The following NBEA variants were observed in gnomAD, a reference collection of about 807,000 sequenced individuals.
NBEA encodes the protein neurobeachin, also known as lysosomal-trafficking regulator 2.
Under a neutral mutation model 343.4 loss-of-function variants are expected in NBEA, and 44 were observed. The ratio of observed to expected loss-of-function variants is 0.13; its 90% confidence interval spans 0.10 to 0.16. The LOEUF (loss-of-function observed/expected upper bound fraction) is 0.16. Ranked by LOEUF, NBEA falls within the 10% of genes least tolerant of loss-of-function variation. NBEA has a pLI of 1.00. For missense variants in NBEA, 2,555 were observed against 3,631.3 expected, an observed-to-expected ratio of 0.70 and a Z score of 7.62; for synonymous variants, 1,175 against 1,238.7, an observed-to-expected ratio of 0.95 and a Z score of 1.08.
intron 1 of NBEA, among the ~76,000 whole-genome samples, chr13:35,012,977 G>A (rs1014475840): frequency 2.0e-5 from 3 of 152,140 alleles, no homozygotes; most frequent in Non-Finnish European, 4.4e-5. Context: ...TTTAGGGATA[G>A]GTTATTTTTG....
chr13:35,408,690 A>G (rs1394913505), intron 38 of NBEA, among the ~76,000 whole-genome samples: 1 of 152,150 alleles, frequency 6.6e-6, no homozygotes, highest in Admixed American at 6.6e-5. Flanking sequence ...AAAATGGGAA[A>G]GAACATGAAC....
At chr13:35,470,459 C>T (rs1049183382) in intron 40 of NBEA, among the ~76,000 whole-genome samples, 1 of 151,738 alleles carries the variant, frequency 6.6e-6, no homozygotes, top group Non-Finnish European at 1.5e-5. Context: ...GTGTTTTTGA[C>T]CATTATTTGT....
Position 35,058,965 on chromosome 13 carries a change from A to C in NBEA, c.1239+102A>C, listed in dbSNP as rs911656667. 4.0e-6 allele frequency: 4 copies of C among 1,008,392 alleles called. No homozygotes were observed. The African/African-American group carries it at 6.8e-5, about 17-fold the overall frequency. The allele number at this position is 1,008,392 out of a possible 1,614,324, so 62.5% of individuals were successfully genotyped here. ...AAATCTTTAATACGGTTTAAGAGTC[A>C]TTTCTATTTTTTGGAATGTAGTCAA... On this transcript the variant is annotated intron_variant, in intron 8 of 58. Coordinates refer to ENST00000379939, the MANE Select transcript of NBEA (RefSeq NM_001385012.1).
At chr13:35,269,459 G>A (rs776070136) in intron 34 of NBEA, among the ~76,000 whole-genome samples, 6 of 152,232 alleles carry the variant, frequency 3.9e-5, no homozygotes, top group Non-Finnish European at 8.8e-5. Flanking sequence ...CAGTAAATAT[G>A]GGGGATGCAT....
intron 38 of NBEA, among the ~76,000 whole-genome samples, chr13:35,375,840 A>G (rs2041710844): frequency 6.6e-6 from 1 of 152,158 alleles, no homozygotes; most frequent in Admixed American, 6.6e-5. Flanking sequence ...TTTCTCAGTT[A>G]CTTTCTAAAA....
chr13:35,214,908 T>C (rs1397905894), intron 33 of NBEA, among the ~76,000 whole-genome samples: 1 of 151,766 alleles, frequency 6.6e-6, no homozygotes, highest in Non-Finnish European at 1.5e-5. Flanking sequence ...GCTCTGTCTT[T>C]ATGTATATTA....
In NBEA at chr13:35,317,326, A is replaced by T. The variant is rs2037810252; in HGVS notation, c.5903+7734A>T. Reference sequence around the variant, plus strand: ...CAGTTATAGTTTTCTGCCTCTGGCTAGCCAGTTTTCCCAGCACCATTTATT... The same window carrying T: ...CAGTTATAGTTTTCTGCCTCTGGCTTGCCAGTTTTCCCAGCACCATTTATT... On this transcript the variant is annotated intron_variant, in intron 36 of 58. Transcript: ENST00000379939. 1.3e-5 allele frequency among the ~76,000 whole-genome samples: 2 copies of T among 152,182 alleles called. 1 individual carries two copies. Among genetic ancestry groups the T allele is most frequent in the South Asian group, 4.1e-4 (2 of 4,820 alleles).
chr13:35,654,063 A>G (rs1273439137), intron 53 of NBEA, among the ~76,000 whole-genome samples: 1 of 152,204 alleles, frequency 6.6e-6, no homozygotes, highest in Non-Finnish European at 1.5e-5. Context: ...GACCTTCTAC[A>G]TCTGCATTTC....
intron 39 of NBEA, among the ~76,000 whole-genome samples, chr13:35,441,828 T>A (rs1291029288): frequency 1.5e-5 from 2 of 132,236 alleles, no homozygotes; most frequent in East Asian, 4.5e-4. Flanking sequence ...GAATGCTAGA[T>A]GTGAAAAAAA....
At chr13:35,327,004 C>G (rs1260612652) in intron 36 of NBEA, among the ~76,000 whole-genome samples, 3 of 151,818 alleles carry the variant, frequency 2.0e-5, no homozygotes, top group African/African-American at 7.3e-5. Context: ...AGAAGACATA[C>G]AAGCAGCAAC....
At chr13:35,329,106 T>C (rs2038770891) in intron 36 of NBEA, among the ~76,000 whole-genome samples, 1 of 151,934 alleles carries the variant, frequency 6.6e-6, no homozygotes, top group Admixed American at 6.6e-5. Flanking sequence ...TTCCACCTTA[T>C]TAGTCGTTTG....
At chr13:35,587,107 G>A (rs1305110544) in intron 46 of NBEA, among the ~76,000 whole-genome samples, 2 of 152,054 alleles carry the variant, frequency 1.3e-5, no homozygotes, top group Non-Finnish European at 2.9e-5. Flanking sequence ...GCCGCCAGTG[G>A]AAAATTACCT....
intron 49 of NBEA, among the ~76,000 whole-genome samples, chr13:35,636,563 T>A (rs1424055379): frequency 1.3e-5 from 2 of 152,234 alleles, no homozygotes; most frequent in Non-Finnish European, 2.9e-5. Flanking sequence ...TCTAGTGAAC[T>A]TATAAAGGCC....
intron 38 of NBEA, among the ~76,000 whole-genome samples, chr13:35,372,437 T>G (rs1324510712): frequency 2.0e-5 from 3 of 152,126 alleles, no homozygotes; most frequent in African/African-American, 7.2e-5. Context: ...AGAGTGTCCT[T>G]GGGCACTGGG....
At chr13:35,474,867 C>T (rs558385939) in intron 41 of NBEA, 92 of 668,946 alleles carry the variant, frequency 1.4e-4, no homozygotes, top group Non-Finnish European at 2.1e-4. Flanking sequence ...GGGTTTTTCT[C>T]CATCCGCTTC....
intron 38 of NBEA, among the ~76,000 whole-genome samples, chr13:35,416,092 G>C: frequency 6.6e-6 from 1 of 152,156 alleles, no homozygotes; most frequent in Admixed American, 6.5e-5. Context: ...TTTGTATCCT[G>C]AGACTTTGCT....
At chr13:35,429,913 G>A in intron 38 of NBEA, among the ~76,000 whole-genome samples, 1 of 151,564 alleles carries the variant, frequency 6.6e-6, no homozygotes, top group East Asian at 1.9e-4. Flanking sequence ...AAATTGTGCT[G>A]CTATAAACAT....
chr13:35,201,425 C>T (rs1340904822), intron 31 of NBEA, among the ~76,000 whole-genome samples: 2 of 152,022 alleles, frequency 1.3e-5, no homozygotes, highest in Admixed American at 1.3e-4. Context: ...AGAGCATTCA[C>T]CTTGCGATTT....
At chr13:35,183,933 G>A (rs2071497246) in intron 29 of NBEA, 43 bp from the exon 30 acceptor site, 1 of 1,463,416 alleles carries the variant, frequency 6.8e-7, no homozygotes, top group Non-Finnish European at 9.5e-7. Context: ...GTGGCAGGTT[G>A]TTACATGCTG....
Sources: gnomAD v4.1 joint callset for allele counts (sites outside exome capture counted in the v4.1 genomes callset) on GRCh38, gnomAD v4.1.1 for gene constraint, MANE v1.5 for transcripts, NCBI Gene and HGNC (gene_info 2026-07-23, HGNC 2026-07-21) for gene names.